Variants in SMIM14 observed in about 807,000 individuals in gnomAD.
The protein encoded by SMIM14 is chromosome 4 open reading frame 34.
A neutral mutation model predicts 12.6 loss-of-function variants in SMIM14; 5 were observed. That is an observed-to-expected ratio of 0.40 (90% CI 0.21 to 0.83). The LOEUF is 0.83. Ranked by LOEUF, SMIM14 falls within the 40% of genes least tolerant of loss-of-function variation. The probability of loss-of-function intolerance (pLI) is 0.37; values close to 1 mark genes in which losing one functional copy is unlikely to be tolerated. For missense variants in SMIM14, 86 were observed against 119.1 expected, an observed-to-expected ratio of 0.72 and a Z score of 1.29; for synonymous variants, 30 against 40.1, an observed-to-expected ratio of 0.75 and a Z score of 0.95.
At chr4:39,626,024 G>A (rs1273535493) in intron 1 of SMIM14, among the ~76,000 whole-genome samples, 1 of 152,108 alleles carries the variant, frequency 6.6e-6, no homozygotes, top group African/African-American at 2.4e-5. Context: ...TGAGGTGCGG[G>A]CCAGCAAGCA....
chr4:39,571,608 A>G (rs1021587111), intron 3 of SMIM14, among the ~76,000 whole-genome samples: 1 of 152,136 alleles, frequency 6.6e-6, no homozygotes, highest in Non-Finnish European at 1.5e-5. Context: ...AATTAAAGAA[A>G]AAAAAAGAAT....
intron 1 of SMIM14, among the ~76,000 whole-genome samples, chr4:39,631,381 G>C (rs896874882): frequency 6.6e-6 from 1 of 151,010 alleles, no homozygotes; most frequent in African/African-American, 2.4e-5. Context: ...TGTTGTGGCC[G>C]GGTGCAGTGG....
chr4:39,555,492 C>T (rs1163053089), intron 4 of SMIM14, among the ~76,000 whole-genome samples: 2 of 152,190 alleles, frequency 1.3e-5, no homozygotes, highest in Non-Finnish European at 1.5e-5. Context: ...CTTGGCCTCC[C>T]AAAGTGCTGG....
intron 1 of SMIM14, among the ~76,000 whole-genome samples, chr4:39,612,404 G>A (rs1435864062): frequency 3.3e-5 from 5 of 151,872 alleles, no homozygotes; most frequent in Admixed American, 3.3e-4. Context: ...ACACACATGC[G>A]CTATGCTGGT....
At chr4:39,604,096 AG>A (rs1367124255) in intron 2 of SMIM14, among the ~76,000 whole-genome samples, 1 of 152,186 alleles carries the variant, frequency 6.6e-6, no homozygotes, top group Non-Finnish European at 1.5e-5. Context: ...ATATCATAAC[AG>A]GAACTGTCAA....
At chr4:39,571,279 C>A (rs74618662) in intron 3 of SMIM14, among the ~76,000 whole-genome samples, 1 of 152,002 alleles carries the variant, frequency 6.6e-6, no homozygotes, top group Non-Finnish European at 1.5e-5. Context: ...GGCCTCCCCA[C>A]CAAGAAGTTC....
In SMIM14 at chr4:39,551,802, G is replaced by A. The variant is rs1290144186; in HGVS notation, c.*324C>T. On this transcript the variant is annotated 3_prime_UTR_variant, in exon 5 of 5. Transcript: ENST00000295958. ...GACCTCTCAAATTTCCTTCAATCAG[G>A]CCAGAAATTATCACAAAAATTATAA... The A allele has an allele frequency of 5.0e-6, 1 of 199,422 alleles. No individual in the cohort carries two copies. Among genetic ancestry groups the A allele is most frequent in the African/African-American group, 2.3e-5 (1 of 43,132 alleles). 12.4% of individuals were successfully genotyped at this position (199,422 alleles called of 1,614,324 possible).
chr4:39,632,785 A>T (rs1165981484), intron 1 of SMIM14, among the ~76,000 whole-genome samples: 9 of 94,802 alleles, frequency 9.5e-5, no homozygotes, highest in African/African-American at 3.4e-4. Flanking sequence ...TCACACACAC[A>T]CACACACACA....
intron 1 of SMIM14, among the ~76,000 whole-genome samples, chr4:39,628,230 C>G (rs898884862): frequency 1.3e-5 from 2 of 151,174 alleles, no homozygotes; most frequent in African/African-American, 4.9e-5. Flanking sequence ...CTGCTTGAAC[C>G]TGGGAGGCAG....
At chr4:39,554,294 G>A (rs971004589) in intron 4 of SMIM14, among the ~76,000 whole-genome samples, 3 of 152,212 alleles carry the variant, frequency 2.0e-5, no homozygotes, top group African/African-American at 4.8e-5. Flanking sequence ...CCAACGTGGC[G>A]AAACCCTGTA....
chr4:39,615,071 A>C (rs1715169787), intron 1 of SMIM14, among the ~76,000 whole-genome samples: 1 of 152,184 alleles, frequency 6.6e-6, no homozygotes. Flanking sequence ...GAGGGAGTTA[A>C]AATAGCCGAT....
chr4:39,589,380 C>G (rs997077202), intron 2 of SMIM14, among the ~76,000 whole-genome samples: 10 of 152,204 alleles, frequency 6.6e-5, no homozygotes, highest in Admixed American at 6.6e-4. Context: ...AGCCACTGCA[C>G]CTGGCCCAGA....
chr4:39,610,536 T>G (rs1008940363), intron 1 of SMIM14, among the ~76,000 whole-genome samples: 3 of 151,606 alleles, frequency 2.0e-5, no homozygotes, highest in Non-Finnish European at 4.4e-5. Flanking sequence ...CACACAAAAA[T>G]TTTTTTTAAT....
chr4:39,599,067 T>C (rs563823604), intron 2 of SMIM14, among the ~76,000 whole-genome samples: 2 of 152,314 alleles, frequency 1.3e-5, no homozygotes, highest in East Asian at 3.9e-4. Context: ...GAAAGCATAC[T>C]CCCCCAACTT....
At chr4:39,608,760 T>C (rs182539093) in intron 1 of SMIM14, among the ~76,000 whole-genome samples, 67 of 152,354 alleles carry the variant, frequency 4.4e-4, no homozygotes, top group African/African-American at 1.5e-3. Context: ...CACCAAACTG[T>C]ACACTTTAAA....
At chr4:39,577,767 G>A (rs535553330) in intron 2 of SMIM14, among the ~76,000 whole-genome samples, 13 of 152,130 alleles carry the variant, frequency 8.5e-5, no homozygotes, top group African/African-American at 2.4e-4. Context: ...CTTTGTACAC[G>A]TACTCACAAA....
At chr4:39,610,532 A>C (rs905386052) in intron 1 of SMIM14, among the ~76,000 whole-genome samples, 4 of 151,956 alleles carry the variant, frequency 2.6e-5, no homozygotes, top group African/African-American at 7.3e-5. Flanking sequence ...TCCACACACA[A>C]AAATTTTTTT....
At chr4:39,560,746 C>G (rs76926091) in intron 3 of SMIM14, among the ~76,000 whole-genome samples, 22 of 152,120 alleles carry the variant, frequency 1.4e-4, no homozygotes, top group Admixed American at 1.0e-3. Context: ...CGCCCTACCC[C>G]CTTCCACCCC....
At chr4:39,562,935 T>A (rs1290974781) in intron 3 of SMIM14, among the ~76,000 whole-genome samples, 1 of 152,092 alleles carries the variant, frequency 6.6e-6, no homozygotes, top group Non-Finnish European at 1.5e-5. Flanking sequence ...TGAGCTACTG[T>A]GCCCAGCAAC....
Sources: allele counts gnomAD v4.1 joint callset (sites outside exome capture counted in the v4.1 genomes callset), GRCh38; gene constraint gnomAD v4.1.1; transcripts MANE v1.5; gene names NCBI Gene and HGNC (gene_info 2026-07-23, HGNC 2026-07-21).